The following FOXP1 variants were observed in gnomAD, a reference collection of about 807,000 sequenced individuals.
FOXP1 encodes forkhead box P1.
FOXP1 carries 15 observed loss-of-function variants against 98.2 expected under a neutral mutation model. The observed-to-expected ratio is 0.15, with a 90% CI of 0.10 to 0.24. FOXP1 has a LOEUF of 0.24. FOXP1 is among the 10% of genes least tolerant of loss of function. FOXP1 has a pLI of 1.00. For missense variants in FOXP1, 633 were observed against 848.5 expected, an observed-to-expected ratio of 0.75 and a Z score of 3.15; for synonymous variants, 371 against 314.5, an observed-to-expected ratio of 1.18 and a Z score of -1.90.
At chr3:71,323,345 G>T (rs1237511612) in intron 4 of FOXP1, among the ~76,000 whole-genome samples, 1 of 152,276 alleles carries the variant, frequency 6.6e-6, no homozygotes, top group Non-Finnish European at 1.5e-5. Context: ...ACAGTCTACT[G>T]CCATGACCCT....
chr3:71,447,855 C>A (rs1170984991), intron 3 of FOXP1, among the ~76,000 whole-genome samples: 1 of 152,124 alleles, frequency 6.6e-6, no homozygotes, highest in Non-Finnish European at 1.5e-5. Context: ...TCAACATTTG[C>A]AAGTATAGAA....
chr3:71,566,635 G>C (rs1410018091), intron 2 of FOXP1, among the ~76,000 whole-genome samples: 1 of 152,158 alleles, frequency 6.6e-6, no homozygotes, highest in Non-Finnish European at 1.5e-5. Flanking sequence ...AGGGGATCAC[G>C]CATTTTTCCT....
At chr3:71,301,100 T>A (rs1454930346) in intron 4 of FOXP1, among the ~76,000 whole-genome samples, 1 of 152,170 alleles carries the variant, frequency 6.6e-6, no homozygotes, top group African/African-American at 2.4e-5. Context: ...ATAATTTTCA[T>A]GTTTACTGTA....
rs1181277634 is a variant in FOXP1 at position 71,285,928 on chromosome 3, A to G, written c.-12+13892T>C. Among the ~76,000 whole-genome samples the G allele has an allele frequency of 3.3e-5, 5 of 152,330 alleles. No individual in the cohort carries two copies. In the South Asian group the frequency reaches 1.0e-3, roughly 32 times the overall value. ...GGTCCTCTCTGAATCTATAAACCTA[A>G]GAATAAAGTCATGTATCACTTCACA... On this transcript the variant is annotated intron_variant, in intron 5 of 20. Transcript: ENST00000649528.
intron 3 of FOXP1, among the ~76,000 whole-genome samples, chr3:71,453,407 G>A (rs1000903702): frequency 2.0e-5 from 3 of 152,106 alleles, no homozygotes; most frequent in Non-Finnish European, 2.9e-5. Flanking sequence ...ATATGCACAT[G>A]AATATTTTGA....
chr3:71,187,106 G>A (rs1043326059), intron 6 of FOXP1, among the ~76,000 whole-genome samples: 9 of 152,202 alleles, frequency 5.9e-5, no homozygotes, highest in Non-Finnish European at 1.3e-4. Context: ...GAGTTATAGT[G>A]CCTTATACCT....
intron 6 of FOXP1, among the ~76,000 whole-genome samples, chr3:71,138,937 T>C (rs767164697): frequency 6.6e-6 from 1 of 152,178 alleles, no homozygotes; most frequent in Non-Finnish European, 1.5e-5. Context: ...TTATTACCTA[T>C]AATCACTTAC....
At chr3:71,352,803 A>C (rs2077887505) in intron 4 of FOXP1, among the ~76,000 whole-genome samples, 1 of 152,208 alleles carries the variant, frequency 6.6e-6, no homozygotes, top group African/African-American at 2.4e-5. Context: ...ATGAGTTTAG[A>C]AAATTCTACT....
chr3:70,971,144 C>T (rs540565706), intron 18 of FOXP1: 20 of 346,376 alleles, frequency 5.8e-5, no homozygotes, highest in African/African-American at 1.9e-4. Context: ...CCTAGGAGGT[C>T]GTGCTGGGGA....
chr3:71,205,107 A>G (rs1324352880), intron 5 of FOXP1, among the ~76,000 whole-genome samples: 1 of 152,240 alleles, frequency 6.6e-6, no homozygotes, highest in Non-Finnish European at 1.5e-5. Flanking sequence ...AAAGCTAGTG[A>G]CCCACAGTAA....
chr3:70,995,734 A>G (rs1020975590), intron 13 of FOXP1, among the ~76,000 whole-genome samples: 2 of 152,228 alleles, frequency 1.3e-5, no homozygotes, highest in Non-Finnish European at 2.9e-5. Flanking sequence ...AAGGCTCAGA[A>G]GGCCCACTGA....
At chr3:71,455,091 T>C (rs1001175956) in intron 3 of FOXP1, among the ~76,000 whole-genome samples, 13 of 152,144 alleles carry the variant, frequency 8.5e-5, no homozygotes, top group Admixed American at 3.3e-4. Context: ...ATGAATGATA[T>C]ACATCTCTTT....
intron 7 of FOXP1, among the ~76,000 whole-genome samples, chr3:71,056,754 G>A (rs749134131): frequency 1.3e-5 from 2 of 151,942 alleles, no homozygotes; most frequent in African/African-American, 2.4e-5. Context: ...CATGAAAAGA[G>A]GTTATGGAAA....
intron 12 of FOXP1, among the ~76,000 whole-genome samples, chr3:71,011,341 T>C (rs777326408): frequency 6.6e-6 from 1 of 152,122 alleles, no homozygotes; most frequent in Non-Finnish European, 1.5e-5. Context: ...GGCTCAAAGC[T>C]AGAACACATG....
intron 6 of FOXP1, among the ~76,000 whole-genome samples, chr3:71,174,883 T>C (rs745386077): frequency 2.7e-5 from 4 of 149,120 alleles, no homozygotes; most frequent in Non-Finnish European, 5.9e-5. Flanking sequence ...ACACAGCAGA[T>C]TGCAGGTATG....
intron 2 of FOXP1, among the ~76,000 whole-genome samples, chr3:71,505,637 G>A (rs996173863): frequency 6.6e-6 from 1 of 152,052 alleles, no homozygotes; most frequent in Admixed American, 6.5e-5. Context: ...GTGTTAGCCA[G>A]GATAGTCTCG....
intron 3 of FOXP1, among the ~76,000 whole-genome samples, chr3:71,364,069 G>A (rs1056193294): frequency 1.3e-5 from 2 of 152,146 alleles, no homozygotes; most frequent in Admixed American, 1.3e-4. Context: ...ACTGCACTGA[G>A]TTAAGCTCCC....
chr3:71,464,281 GAAGGAAA>G (rs2088468247), intron 3 of FOXP1, among the ~76,000 whole-genome samples: 1 of 152,118 alleles, frequency 6.6e-6, no homozygotes, highest in African/African-American at 2.4e-5. Flanking sequence ...GTCTCAAAAA[GAAGGAAA>G]ACAAGGTAAC....
intron 2 of FOXP1, among the ~76,000 whole-genome samples, chr3:71,494,684 A>C (rs1175048359): frequency 7.2e-5 from 11 of 152,220 alleles, no homozygotes; most frequent in Non-Finnish European, 1.6e-4. Context: ...GCATTTCAAA[A>C]TACAGATTCC....
Sources: allele counts gnomAD v4.1 joint callset (sites outside exome capture counted in the v4.1 genomes callset), GRCh38; gene constraint gnomAD v4.1.1; transcripts MANE v1.5; gene names NCBI Gene and HGNC (gene_info 2026-07-23, HGNC 2026-07-21).